FMN1: variants seen among roughly 807,000 people sequenced by gnomAD.
FMN1 encodes formin-1.
A neutral mutation model predicts 132.4 loss-of-function variants in FMN1; 110 were observed. The ratio of observed to expected loss-of-function variants is 0.83; its 90% confidence interval spans 0.71 to 0.97. FMN1 has a LOEUF of 0.97. Among genes scored for constraint, FMN1 ranks in the 50% least tolerant of loss-of-function variants. FMN1 has a pLI of 0.00. For synonymous variants in FMN1, 722 were observed against 651.7 expected (o/e 1.11, Z -1.64); for missense variants, 1,792 against 1,705.3 (o/e 1.05, Z -0.90).
At chr15:32,902,133 T>C in intron 12 of FMN1, 93 bp from the exon 13 acceptor site, 3 of 1,051,620 alleles carry the variant, frequency 2.9e-6, no homozygotes, top group Non-Finnish European at 2.8e-6. Flanking sequence ...GAACATTCCT[T>C]ACCTAACAAT....
intron 7 of FMN1, among the ~76,000 whole-genome samples, chr15:32,983,488 G>A (rs889121825): frequency 3.9e-5 from 6 of 152,102 alleles, no homozygotes; most frequent in Admixed American, 6.5e-5. Flanking sequence ...ACTTAGAACA[G>A]CAATTTTTTT....
At chr15:33,126,010 A>T (rs1963028314) in intron 4 of FMN1, among the ~76,000 whole-genome samples, 1 of 137,108 alleles carries the variant, frequency 7.3e-6, no homozygotes, top group South Asian at 2.2e-4. Context: ...TCTACACATG[A>T]GATAACAGTA....
intron 5 of FMN1, among the ~76,000 whole-genome samples, chr15:33,084,706 A>G (rs529052602): frequency 1.3e-4 from 20 of 151,772 alleles, no homozygotes; most frequent in African/African-American, 4.6e-4. Flanking sequence ...TCCTACACCA[A>G]CCCCACCTCC....
intron 4 of FMN1, among the ~76,000 whole-genome samples, chr15:33,142,968 TTC>T (rs1302655490): frequency 6.6e-6 from 1 of 152,230 alleles, no homozygotes; most frequent in Non-Finnish European, 1.5e-5. Flanking sequence ...CGCCTCTGGT[TTC>T]TGTTTCAAGT....
intron 16 of FMN1, among the ~76,000 whole-genome samples, chr15:32,859,761 A>G (rs922938646): frequency 1.3e-5 from 2 of 152,146 alleles, no homozygotes; most frequent in African/African-American, 2.4e-5. Flanking sequence ...TCTTGGCTGA[A>G]TGTCGTGGTT....
intron 4 of FMN1, among the ~76,000 whole-genome samples, chr15:33,152,016 A>T (rs1964458716): frequency 6.6e-6 from 1 of 152,190 alleles, no homozygotes; most frequent in Non-Finnish European, 1.5e-5. Flanking sequence ...CTAGATAGAT[A>T]TTTTTTATCT....
chr15:32,944,674 G>C (rs1275407254), intron 9 of FMN1, among the ~76,000 whole-genome samples: 2 of 152,010 alleles, frequency 1.3e-5, no homozygotes, highest in East Asian at 3.9e-4. Context: ...TCCCCATCCT[G>C]ACGAGACAGA....
chr15:32,981,036 T>C (rs1322790532), intron 7 of FMN1, among the ~76,000 whole-genome samples: 2 of 152,008 alleles, frequency 1.3e-5, no homozygotes, highest in East Asian at 3.9e-4. Context: ...AATACATTTC[T>C]TATAATTCAT....
At chr15:33,134,931 G>A (rs992826859) in intron 4 of FMN1, among the ~76,000 whole-genome samples, 1 of 152,248 alleles carries the variant, frequency 6.6e-6, no homozygotes, top group African/African-American at 2.4e-5. Context: ...GAACCTGGAA[G>A]GTGGAGGTTG....
chr15:32,822,347 C>CACAAACAA (rs141916370), intron 17 of FMN1, among the ~76,000 whole-genome samples: 1,762 of 152,180 alleles, frequency 0.012, 16 homozygotes, highest in Non-Finnish European at 0.019. Flanking sequence ...GAGAGTCTGT[C>CACAAACAA]ACAAACAAAC....
intron 4 of FMN1, among the ~76,000 whole-genome samples, chr15:33,137,622 A>C (rs1276103799): frequency 6.6e-6 from 1 of 152,206 alleles, no homozygotes; most frequent in Non-Finnish European, 1.5e-5. Context: ...ACAAGAAATT[A>C]CTTTTCCTAC....
intron 16 of FMN1, among the ~76,000 whole-genome samples, chr15:32,858,742 C>T (rs1044868231): frequency 1.3e-5 from 2 of 152,132 alleles, no homozygotes; most frequent in African/African-American, 4.8e-5. Flanking sequence ...TCTATAAATC[C>T]AGTCAAATAA....
At chr15:32,848,973 T>TTTGG (rs1567267011) in intron 17 of FMN1, among the ~76,000 whole-genome samples, 1 of 92,552 alleles carries the variant, frequency 1.1e-5, no homozygotes, top group African/African-American at 6.3e-5. Flanking sequence ...GTTAGTTCTC[T>TTTGG]TTTGTTTTTT....
At chr15:33,055,500 C>T (rs1007937417) in intron 6 of FMN1, among the ~76,000 whole-genome samples, 1 of 151,916 alleles carries the variant, frequency 6.6e-6, no homozygotes, top group Non-Finnish European at 1.5e-5. Flanking sequence ...GACAAAGCTA[C>T]AGAACAGTGG....
chr15:33,012,012 A>G, intron 6 of FMN1: 1 of 254,714 alleles, frequency 3.9e-6, no homozygotes, highest in Non-Finnish European at 7.6e-6. Flanking sequence ...TGCTTTCTTA[A>G]CCAACAATCC....
chr15:32,823,152 GT>G lies in FMN1; in HGVS notation c.3929-18821del, dbSNP rs373185751. ...GTCTCAAAGACAGAGAGTTTCTACT[GT>G]TTTTTTTTTTTTTTTTTTTTTTTTT... On this transcript the variant is annotated intron_variant, in intron 17 of 20. Transcript: ENST00000616417. 9.2e-3 allele frequency among the ~76,000 whole-genome samples: 795 copies of G among 86,062 alleles called. 1 individual carries two copies. The highest frequency in any genetic ancestry group is 0.029 in the African/African-American group (548 of 18,666). The allele number at this position is 86,062 out of a possible 152,430, so 56.5% of individuals were successfully genotyped here.
chr15:33,127,419 A>AT (rs2140208432), intron 4 of FMN1, among the ~76,000 whole-genome samples: 1 of 152,342 alleles, frequency 6.6e-6, no homozygotes, highest in South Asian at 2.1e-4. Context: ...CAGAACAACT[A>AT]TTTCCTTGAG....
intron 16 of FMN1, among the ~76,000 whole-genome samples, chr15:32,880,712 G>C (rs532341260): frequency 2.6e-5 from 4 of 152,254 alleles, no homozygotes; most frequent in African/African-American, 9.6e-5. Flanking sequence ...ATAAGGTTCT[G>C]GACTGGGAAT....
rs763683449 is a variant in FMN1, at chr15:33,154,937, C to A, written c.-23G>T. The A allele has an allele frequency of 6.7e-7, 1 of 1,503,226 alleles. No individual in the cohort carries two copies. The highest frequency in any genetic ancestry group is 8.8e-7 in the Non-Finnish European group (1 of 1,130,376). The allele number at this position is 1,503,226 out of a possible 1,614,324, so 93.1% of individuals were successfully genotyped here. On this transcript the variant is annotated 5_prime_UTR_variant, in exon 4 of 21. Transcript: ENST00000616417. The stretch of plus-strand genomic sequence containing the variant: ...CATTATGCCTACCTAATTATTCATG[C>A]CTTGGAGATGCCGGTTTGTGGTCAG...
Sources: allele counts gnomAD v4.1 joint callset (sites outside exome capture counted in the v4.1 genomes callset), GRCh38; gene constraint gnomAD v4.1.1; transcripts MANE v1.5; gene names NCBI Gene and HGNC (gene_info 2026-07-23, HGNC 2026-07-21).